SLC22A24: variants seen among roughly 807,000 people sequenced by gnomAD.
SLC22A24 encodes the protein solute carrier family 22 member 24.
Under a neutral mutation model 49.8 loss-of-function variants are expected in SLC22A24, and 53 were observed. The observed-to-expected ratio is 1.06, with a 90% CI of 0.85 to 1.34. The LOEUF is 1.34. Among genes scored for constraint, SLC22A24 ranks in the 40% most tolerant of loss-of-function variants. The probability of loss-of-function intolerance (pLI) is 0.00; values close to 1 mark genes in which losing one functional copy is unlikely to be tolerated. For synonymous variants in SLC22A24, 302 were observed against 256.4 expected (o/e 1.18, Z -1.70); for missense variants, 786 against 675.9 (o/e 1.16, Z -1.81).
At chr11:63,087,872 G>C (rs939159974) in intron 6 of SLC22A24, among the ~76,000 whole-genome samples, 4 of 152,136 alleles carry the variant, frequency 2.6e-5, no homozygotes, top group Admixed American at 6.5e-5. Flanking sequence ...TCTCCTCACC[G>C]GGCAAAGCAT....
At chr11:63,101,793 A>G (rs566767252) in intron 5 of SLC22A24, among the ~76,000 whole-genome samples, 1 of 152,140 alleles carries the variant, frequency 6.6e-6, no homozygotes, top group Non-Finnish European at 1.5e-5. Flanking sequence ...AGCAACATGG[A>G]TGAAACTGGA....
At chr11:63,116,000 G>A (rs1190926826) in intron 4 of SLC22A24, 2 of 328,846 alleles carry the variant, frequency 6.1e-6, no homozygotes, top group Non-Finnish European at 1.1e-5. Flanking sequence ...CGAGCCCCTT[G>A]ACAACATGGG....
chr11:63,121,138 A>C (rs2087248674), intron 2 of SLC22A24, among the ~76,000 whole-genome samples: 1 of 152,178 alleles, frequency 6.6e-6, no homozygotes, highest in Non-Finnish European at 1.5e-5. Context: ...TAAACTATGA[A>C]CTTTAGTAAA....
intron 6 of SLC22A24, among the ~76,000 whole-genome samples, chr11:63,088,524 T>G (rs2087000785): frequency 6.6e-6 from 1 of 151,966 alleles, no homozygotes; most frequent in Non-Finnish European, 1.5e-5. Context: ...ATGCCTCTTC[T>G]CTCCAATGAT....
At chr11:63,103,466 G>A (rs2087102916) in intron 5 of SLC22A24, among the ~76,000 whole-genome samples, 1 of 152,076 alleles carries the variant, frequency 6.6e-6, no homozygotes, top group Admixed American at 6.6e-5. Context: ...CAGAGACTCT[G>A]ACTTATTTTC....
intron 2 of SLC22A24, among the ~76,000 whole-genome samples, chr11:63,133,354 G>A (rs911233344): frequency 3.3e-5 from 5 of 152,180 alleles, no homozygotes; most frequent in African/African-American, 9.7e-5. Flanking sequence ...GATGAACCAG[G>A]TACCTCAGCT....
intron 5 of SLC22A24, among the ~76,000 whole-genome samples, chr11:63,098,431 G>T (rs1247019294): frequency 1.3e-5 from 2 of 152,128 alleles, no homozygotes; most frequent in Admixed American, 1.3e-4. Context: ...CACTTGGGAG[G>T]CCAAAGTGGG....
chr11:63,089,890 G>C (rs1296499696), intron 6 of SLC22A24, among the ~76,000 whole-genome samples: 1 of 151,876 alleles, frequency 6.6e-6, no homozygotes, highest in Non-Finnish European at 1.5e-5. Flanking sequence ...GACCATCCTG[G>C]CTAACACGGT....
intron 6 of SLC22A24, among the ~76,000 whole-genome samples, chr11:63,091,066 AAG>A (rs1003689551): frequency 6.6e-6 from 1 of 151,736 alleles, no homozygotes; most frequent in African/African-American, 2.4e-5. Context: ...AAGAGAGAAA[AAG>A]AGGTATCACC....
chr11:63,114,205 T>G (rs2087196071), intron 4 of SLC22A24, among the ~76,000 whole-genome samples: 1 of 152,222 alleles, frequency 6.6e-6, no homozygotes. Context: ...GTACACCAAT[T>G]AAACATAGAT....
rs942495249 is a variant in SLC22A24 at position 63,143,938 on chromosome 11, C to T, written c.-159G>A. 2 of 498,054 alleles carry T rather than the reference C, an allele frequency of 4.0e-6. No individual in the cohort carries two copies. The highest frequency in any genetic ancestry group is 2.2e-4 in the South Asian group (2 of 9,176). The allele number at this position is 498,054 out of a possible 1,614,324, so 30.9% of individuals were successfully genotyped here. On this transcript the variant is annotated 5_prime_UTR_variant, in exon 1 of 10. Transcript: ENST00000612278. ...CCCTGCACTGAGTGGTGTGACACTA[C>T]TGCAGAAGAGCAGTGGAAGGACTTT...
intron 1 of SLC22A24, among the ~76,000 whole-genome samples, chr11:63,140,086 T>G (rs548550133): frequency 0.023 from 1,411 of 62,442 alleles, 19 homozygotes; most frequent in Admixed American, 0.049. Flanking sequence ...TTTTTTTTTT[T>G]TGTTTTTTTT....
In SLC22A24 at chr11:63,119,203, A is replaced by G; in HGVS notation, c.639T>C (p.Ile213=). Residue 213 remains isoleucine, a synonymous_variant, in exon 3 of 10, where the codon ATT becomes ATC. Coordinates refer to ENST00000612278, the MANE Select transcript of SLC22A24 (RefSeq NM_001136506.2). The part of the protein sequence containing the change: ...RFLAGFSTMT[I]LGNTFILSLE... ...TACTGAGAATAAAAGTGTTTCCCAAAATAGTCATGGTGGAGAACCCTGCCA... is the reference window on the plus strand; with the variant it reads ...TACTGAGAATAAAAGTGTTTCCCAAGATAGTCATGGTGGAGAACCCTGCCA... The G allele has an allele frequency of 6.5e-7, 1 of 1,544,528 alleles. No individual in the cohort carries two copies. Among genetic ancestry groups the G allele is most frequent in the South Asian group, 1.2e-5 (1 of 82,096 alleles).
intron 2 of SLC22A24, among the ~76,000 whole-genome samples, chr11:63,119,739 C>T (rs981736939): frequency 2.0e-5 from 3 of 152,086 alleles, no homozygotes; most frequent in African/African-American, 7.2e-5. Flanking sequence ...TCTGCACTGT[C>T]CAGGTAAAAG....
At chr11:63,081,866 G>A (rs1006645247) in intron 7 of SLC22A24, among the ~76,000 whole-genome samples, 200 bp from the exon 8 acceptor site, 2 of 152,162 alleles carry the variant, frequency 1.3e-5, no homozygotes, top group Admixed American at 1.3e-4. Flanking sequence ...ATTGAATAAA[G>A]GATCTCAATC....
intron 4 of SLC22A24, among the ~76,000 whole-genome samples, chr11:63,111,606 A>AT (rs1187585227): frequency 2.6e-5 from 4 of 151,076 alleles, no homozygotes; most frequent in African/African-American, 9.7e-5. Flanking sequence ...GAATTTATCC[A>AT]TTTCTTCTAG....
intron 2 of SLC22A24, among the ~76,000 whole-genome samples, chr11:63,124,405 T>C (rs547006500): frequency 6.6e-6 from 1 of 152,310 alleles, no homozygotes; most frequent in African/African-American, 2.4e-5. Flanking sequence ...AGTCAAACAC[T>C]AGCAGACGGT....
intron 6 of SLC22A24, among the ~76,000 whole-genome samples, chr11:63,093,325 A>G (rs1565324894): frequency 1.3e-5 from 2 of 152,200 alleles, no homozygotes. Flanking sequence ...TATTTGACCC[A>G]GCAATCCCAT....
chr11:63,104,778 C>G (rs1444651000), intron 4 of SLC22A24, among the ~76,000 whole-genome samples: 1 of 152,134 alleles, frequency 6.6e-6, no homozygotes. Flanking sequence ...CTGGGTCCCT[C>G]ACTAAACCAG....
Sources: allele counts gnomAD v4.1 joint callset (sites outside exome capture counted in the v4.1 genomes callset), GRCh38; gene constraint gnomAD v4.1.1; transcripts MANE v1.5; gene names NCBI Gene and HGNC (gene_info 2026-07-23, HGNC 2026-07-21).